The following SYNE1 variants were observed in gnomAD, a reference collection of about 807,000 sequenced individuals.
SYNE1 encodes the protein spectrin repeat containing nuclear envelope protein 1, also known as nesprin-1.
A neutral mutation model predicts 1,111.0 loss-of-function variants in SYNE1; 616 were observed. The ratio of observed to expected loss-of-function variants is 0.55; its 90% CI spans 0.52 to 0.59. The LOEUF is 0.59. SYNE1 is among the 20% of genes least tolerant of loss of function. SYNE1 has a pLI of 0.00. For missense variants in SYNE1, 10,006 were observed against 10,417.0 expected, an observed-to-expected ratio of 0.96 and a Z score of 1.72; for synonymous variants, 3,855 against 3,825.8, an observed-to-expected ratio of 1.01 and a Z score of -0.28.
At chr6:152,220,542 G>A (rs944285153) in intron 119 of SYNE1, among the ~76,000 whole-genome samples, 7 of 152,146 alleles carry the variant, frequency 4.6e-5, no homozygotes, top group African/African-American at 1.4e-4. Flanking sequence ...ATATGGTCAT[G>A]TCTTATATTG....
At chr6:152,623,538 TA>T (rs1331336653) in intron 3 of SYNE1, among the ~76,000 whole-genome samples, 9 of 152,080 alleles carry the variant, frequency 5.9e-5, no homozygotes, top group Admixed American at 5.9e-4. Flanking sequence ...ATAATTAAAC[TA>T]AAGAGCTTCT....
Position 152,358,300 on chromosome 6 carries a change from T to C in SYNE1, c.10608+73A>G, listed in dbSNP as rs73784325. ...CACTGGACTCAAGGTTTCTATTAAC[T>C]TCCTATTGCCTAAAATAATAATTCC... is the stretch of plus-strand genomic sequence containing the variant. On this transcript the variant is annotated intron_variant, in intron 66 of 145. Transcript: ENST00000367255. 1,612 of 1,604,992 alleles carry C rather than the reference T, an allele frequency of 1.0e-3. 20 individuals are homozygous for C. The African/African-American group carries it at 0.018, about 18-fold the overall frequency.
At position 152,221,845 on chromosome 6, in the gene SYNE1, G is replaced by C. The variant is rs372506874; in HGVS notation, c.21523-286C>G. ...CATAGGGTGCCCTTGTCCATTGTCT[G>C]GTAGGAAGCTGCCAGAGATGGTAAA... On this transcript the variant is annotated intron_variant, in intron 117 of 145. Transcript: ENST00000367255. Among the ~76,000 whole-genome samples, 9 of 152,248 alleles carry C rather than the reference G, an allele frequency of 5.9e-5. No individual in the cohort carries two copies. In the South Asian group the frequency reaches 1.7e-3, roughly 28 times the overall value.
intron 142 of SYNE1, 143 bp downstream of exon 142, chr6:152,134,961 G>T: frequency 9.7e-7 from 1 of 1,025,742 alleles, no homozygotes; most frequent in Non-Finnish European, 1.5e-6. Context: ...AAACCACAGG[G>T]AGTTAAAAAA....
intron 127 of SYNE1, among the ~76,000 whole-genome samples, chr6:152,199,503 T>C (rs1309733819): frequency 6.6e-6 from 1 of 152,216 alleles, no homozygotes; most frequent in Non-Finnish European, 1.5e-5. Context: ...ACCCTGTCTT[T>C]TAGGGGAATG....
At chr6:152,417,217 G>A (rs190048974) in intron 40 of SYNE1, among the ~76,000 whole-genome samples, 5 of 152,184 alleles carry the variant, frequency 3.3e-5, no homozygotes, top group Admixed American at 3.3e-4. Context: ...CACAACTCTG[G>A]GCCAGGCGCG....
At chr6:152,453,147 C>T (rs940597197) in intron 25 of SYNE1, among the ~76,000 whole-genome samples, 3 of 152,084 alleles carry the variant, frequency 2.0e-5, no homozygotes, top group South Asian at 4.1e-4. Context: ...TTCTTGACTA[C>T]AAAATGTTTT....
intron 115 of SYNE1, among the ~76,000 whole-genome samples, chr6:152,227,337 C>T (rs2081822472): frequency 6.6e-6 from 1 of 152,108 alleles, no homozygotes; most frequent in African/African-American, 2.4e-5. Flanking sequence ...AGCCATTTGG[C>T]AATGTGCCAT....
At chr6:152,495,530 G>A (rs149920338) in intron 11 of SYNE1, among the ~76,000 whole-genome samples, 83 of 152,068 alleles carry the variant, frequency 5.5e-4, no homozygotes, top group African/African-American at 1.9e-3. Context: ...TAACTTCCTC[G>A]TAAAGCAAAC....
At chr6:152,455,109 T>C (rs1273852332) in intron 24 of SYNE1, among the ~76,000 whole-genome samples, 1 of 152,176 alleles carries the variant, frequency 6.6e-6, no homozygotes, top group Non-Finnish European at 1.5e-5. Flanking sequence ...CCTCGAGTTA[T>C]CTGTTTAAAA....
intron 85 of SYNE1, among the ~76,000 whole-genome samples, chr6:152,318,510 A>G (rs2095792251): frequency 6.6e-6 from 1 of 152,156 alleles, no homozygotes; most frequent in African/African-American, 2.4e-5. Context: ...CCCACCCAAA[A>G]AGGATTAGAG....
intron 107 of SYNE1, among the ~76,000 whole-genome samples, chr6:152,240,438 T>C (rs369213824): frequency 7.4e-4 from 112 of 152,358 alleles, no homozygotes; most frequent in African/African-American, 2.6e-3. Context: ...ATTGATATTA[T>C]AAATTTGCTT....
intron 74 of SYNE1, among the ~76,000 whole-genome samples, chr6:152,342,384 G>A (rs528460386): frequency 6.6e-6 from 1 of 152,314 alleles, no homozygotes; most frequent in African/African-American, 2.4e-5. Context: ...GAAACTCACA[G>A]TCTAATAAAA....
chr6:152,210,490 T>C (rs1393250387), intron 124 of SYNE1, among the ~76,000 whole-genome samples: 2 of 152,200 alleles, frequency 1.3e-5, no homozygotes, highest in African/African-American at 2.4e-5. Context: ...AAATATAATA[T>C]CACATTCTGT....
intron 11 of SYNE1, among the ~76,000 whole-genome samples, chr6:152,490,056 G>A (rs2098962141): frequency 6.6e-6 from 1 of 152,012 alleles, no homozygotes; most frequent in African/African-American, 2.4e-5. Context: ...TCAATCAATA[G>A]CAGATTGAAA....
intron 3 of SYNE1, among the ~76,000 whole-genome samples, chr6:152,619,045 A>AAC (rs1565228229): frequency 1.5e-5 from 2 of 131,116 alleles, no homozygotes; most frequent in African/African-American, 6.4e-5. Context: ...AGGTGTGAGA[A>AAC]TCACACACAC....
chr6:152,419,632 A>C lies in SYNE1; in HGVS notation c.5358T>G (p.Ser1786Arg). 1 of 1,613,996 alleles carries C rather than the reference A, an allele frequency of 6.2e-7. No individual in the cohort carries two copies. Among genetic ancestry groups the C allele is most frequent in the East Asian group, 2.2e-5 (1 of 44,866 alleles). Reference protein sequence around the residue: ...SFSVWIKLFLSELQTTSEISI... With the variant: ...SFSVWIKLFLRELQTTSEISI... ...TAATCTCAGAGGTAGTTTGTAATTC[A>C]CTGAGAAACAGTTTAATCCAGACAG... Residue 1786 changes from serine (S) to arginine (R), a missense_variant, in exon 40 of 146, where the codon AGT becomes AGG. Ser to Arg is a moderately radical substitution (Grantham distance 110). Coordinates refer to ENST00000367255, the MANE Select transcript of SYNE1 (RefSeq NM_182961.4).
At chr6:152,213,497 G>T in intron 123 of SYNE1, 115 bp downstream of exon 123, 1 of 1,151,140 alleles carries the variant, frequency 8.7e-7, no homozygotes, top group Non-Finnish European at 1.3e-6. Flanking sequence ...AATGATGCAT[G>T]CATTTAGACA....
At chr6:152,264,622 C>T (rs955657596) in intron 100 of SYNE1, among the ~76,000 whole-genome samples, 1 of 151,750 alleles carries the variant, frequency 6.6e-6, no homozygotes, top group Non-Finnish European at 1.5e-5. Flanking sequence ...CATAGCCAGA[C>T]CCTGTCTCTA....
Sources: gnomAD v4.1 joint callset for allele counts (sites outside exome capture counted in the v4.1 genomes callset) on GRCh38, gnomAD v4.1.1 for gene constraint, MANE v1.5 for transcripts, NCBI Gene and HGNC (gene_info 2026-07-23, HGNC 2026-07-21) for gene names.